The following FHOD1 variants were observed in gnomAD, a reference collection of about 807,000 sequenced individuals.
FHOD1 encodes the protein FH1/FH2 domain-containing protein 1.
In FHOD1, 89 loss-of-function variants were observed where a neutral mutation model predicts 111.6. That is an observed-to-expected ratio of 0.80 (90% CI 0.67 to 0.95). The LOEUF (loss-of-function observed/expected upper bound fraction) is 0.95, where lower values mean the gene tolerates loss of function less well. Ranked by LOEUF, FHOD1 falls within the 40% of genes least tolerant of loss-of-function variation. The pLI is 0.00. For synonymous variants in FHOD1, 618 were observed against 639.0 expected, an observed-to-expected ratio of 0.97 and a Z score of 0.50; for missense variants, 1,446 against 1,554.2, an observed-to-expected ratio of 0.93 and a Z score of 1.17.
Position 67,238,552 on chromosome 16 carries a change from T to C in FHOD1, c.374-105A>G, listed in dbSNP as rs1051014018. 2.2e-5 allele frequency: 25 copies of C among 1,160,396 alleles called. No individual in the cohort carries two copies. The highest frequency in any genetic ancestry group is 3.0e-5 in the Non-Finnish European group (24 of 793,190). 71.9% of individuals were successfully genotyped at this position (1,160,396 alleles called of 1,614,324 possible). A position where few individuals can be genotyped will look rare whatever the true frequency, so the allele number is the denominator to read the frequency against. The stretch of plus-strand genomic sequence containing the variant: ...ACCAAAGAATAGTCTAATATATATG[T>C]TTTGGTCTGAGAGACAGGGTCTCAC... On this transcript the variant is annotated intron_variant, in intron 3 of 21. Coordinates refer to ENST00000258201, the MANE Select transcript of FHOD1 (RefSeq NM_013241.3). The surrounding 1 kb of genome is among the most constrained non-coding windows in gnomAD (Gnocchi z 4.2).
At position 67,237,802 on chromosome 16, in the gene FHOD1, T is replaced by C. The variant is rs1232400845; in HGVS notation, c.643-34A>G. Reference sequence around the variant, plus strand: ...AGAGGTCAGTACATATGAGTGGGGCTTAGGCCAGACCTGTGCCAGCTGTTG... The same window carrying C: ...AGAGGTCAGTACATATGAGTGGGGCCTAGGCCAGACCTGTGCCAGCTGTTG... On this transcript the variant is annotated intron_variant, in intron 6 of 21. Transcript: ENST00000258201. The surrounding 1 kb of genome is among the most constrained non-coding windows in gnomAD (Gnocchi z 5.6). 3 of 1,580,970 alleles carry C rather than the reference T, an allele frequency of 1.9e-6. No homozygotes were observed. Among genetic ancestry groups the C allele is most frequent in the Admixed American group, 1.7e-5 (1 of 59,972 alleles).
In FHOD1 at chr16:67,229,991, C is replaced by T. The variant is rs765351934; in HGVS notation, c.3215-1G>A. ...ATTGGGGAGCTGCTCTGGACCATGC[C>T]TGAGGAAGGCCAGATAGCAAAGTCA... is the stretch of plus-strand genomic sequence containing the variant. On this transcript the variant is annotated splice_acceptor_variant, in intron 20 of 21. Coordinates refer to ENST00000258201, the MANE Select transcript of FHOD1 (RefSeq NM_013241.3). LOFTEE classifies it high-confidence loss of function. 13 of 1,613,588 alleles carry T rather than the reference C, an allele frequency of 8.1e-6. No homozygotes were observed. Among genetic ancestry groups the T allele is most frequent in the Admixed American group, 1.7e-5 (1 of 59,990 alleles).
intron 1 of FHOD1, among the ~76,000 whole-genome samples, chr16:67,241,048 C>T (rs2034648543): frequency 6.6e-6 from 1 of 151,906 alleles, no homozygotes; most frequent in South Asian, 2.1e-4. Flanking sequence ...TTTAGCAACC[C>T]TTGCGCCTGC....
At chr16:67,241,121 C>T (rs1020208348) in intron 1 of FHOD1, among the ~76,000 whole-genome samples, 1 of 125,672 alleles carries the variant, frequency 8.0e-6, no homozygotes, top group East Asian at 3.0e-4. Flanking sequence ...ATGACCCCCC[C>T]CCCCGCCCAC....
Position 67,229,561 on chromosome 16 carries a change from C to A in FHOD1, c.*75G>T. The A allele has an allele frequency of 7.3e-7, 1 of 1,365,446 alleles. No homozygotes were observed. The highest frequency in any genetic ancestry group is 1.0e-6 in the Non-Finnish European group (1 of 954,076). 84.6% of individuals were successfully genotyped at this position (1,365,446 alleles called of 1,614,324 possible). A position where few individuals can be genotyped will look rare whatever the true frequency, so the allele number is the denominator to read the frequency against. ...ACAGAGTTCTGGGGCCAGAATTCTGCTCTGGGCCCTCCTCACTCTGTCATC... is the reference window on the plus strand; with the variant it reads ...ACAGAGTTCTGGGGCCAGAATTCTGATCTGGGCCCTCCTCACTCTGTCATC... On this transcript the variant is annotated 3_prime_UTR_variant, in exon 22 of 22. Transcript: ENST00000258201.
In FHOD1 at chr16:67,237,362, G is replaced by A; in HGVS notation, c.870C>T (p.Asp290=). The A allele has an allele frequency of 6.2e-7, 1 of 1,613,980 alleles. No homozygotes were observed. The highest frequency in any genetic ancestry group is 8.5e-7 in the Non-Finnish European group (1 of 1,179,878). The stretch of plus-strand genomic sequence containing the variant: ...CCGTCACATCGTAGAAGGAGTCCTG[G>A]TCCGGGAGCGCCGCCAGCGTCTGGA... ...LINKTLAALP[D]QDSFYDVTDA... is the part of the protein sequence containing the mutation. Residue 290 remains aspartate (D), a synonymous_variant, in exon 9 of 22, where the codon GAC becomes GAT. Transcript: ENST00000258201. The surrounding 1 kb of genome is among the most constrained non-coding windows in gnomAD (Gnocchi z 5.6).
chr16:67,242,886 A>G lies in FHOD1; in HGVS notation c.202-3432T>C, dbSNP rs58533932. On this transcript the variant is annotated intron_variant, in intron 1 of 21. Transcript: ENST00000258201. The stretch of plus-strand genomic sequence containing the variant: ...CTTCTCTCTCTCTTTCTAGCTATCT[A>G]TCTACCTATGTATAATATATAGATA... 4.5e-3 allele frequency among the ~76,000 whole-genome samples: 692 copies of G among 152,122 alleles called. 5 individuals are homozygous for G. Among genetic ancestry groups the G allele is most frequent in the African/African-American group, 0.015 (639 of 41,514 alleles).
chr16:67,244,409 G>C (rs116188236), intron 1 of FHOD1, among the ~76,000 whole-genome samples: 45 of 152,172 alleles, frequency 3.0e-4, no homozygotes, highest in African/African-American at 1.0e-3. Context: ...GGGGAGGAAG[G>C]CACTCCTGAG....
At chr16:67,244,421 T>C (rs1379350340) in intron 1 of FHOD1, among the ~76,000 whole-genome samples, 1 of 151,748 alleles carries the variant, frequency 6.6e-6, no homozygotes, top group African/African-American at 2.4e-5. Flanking sequence ...ACTCCTGAGT[T>C]CCCCCAGGGA....
intron 2 of FHOD1, 37 bp downstream of exon 2, chr16:67,239,311 G>T: frequency 6.6e-7 from 1 of 1,516,054 alleles, no homozygotes; most frequent in Non-Finnish European, 9.2e-7. Context: ...GGCAAGGGTG[G>T]GGGTAACCTT....
Position 67,231,598 on chromosome 16 carries a change from C to T in FHOD1, c.2385+39G>A. Reference sequence around the variant, plus strand: ...TCAGACTACATGGTCATGATGCTTACCTGTCCCTACTGACTGTCCCACTCC... The same window carrying T: ...TCAGACTACATGGTCATGATGCTTATCTGTCCCTACTGACTGTCCCACTCC... On this transcript the variant is annotated intron_variant, in intron 15 of 21. Coordinates refer to ENST00000258201, the MANE Select transcript of FHOD1 (RefSeq NM_013241.3). This position sits in a 1 kb window ranked among gnomAD's most constrained non-coding sequence, Gnocchi z 4.3. 6.2e-7 allele frequency: 1 copy of T among 1,614,144 alleles called. No individual in the cohort carries two copies. Among genetic ancestry groups the T allele is most frequent in the South Asian group, 1.1e-5 (1 of 91,086 alleles).
intron 2 of FHOD1, 64 bp downstream of exon 2, chr16:67,239,284 C>T: frequency 7.9e-7 from 1 of 1,271,294 alleles, no homozygotes; most frequent in Non-Finnish European, 1.2e-6. Context: ...CAGCTGCTGA[C>T]ATTTGAGCTA....
rs749656540 is a variant in FHOD1 at position 67,234,408 on chromosome 16, G to A, written c.1384C>T (p.Arg462Trp). 3.1e-6 allele frequency: 5 copies of A among 1,609,594 alleles called. No individual in the cohort carries two copies. The highest frequency in any genetic ancestry group is 2.2e-5 in the South Asian group (2 of 90,882). The change falls in exon 12 of 22, where the codon CGG becomes TGG. Residue 462 changes from arginine to tryptophan, a missense_variant. Arg to Trp is a moderately radical substitution (Grantham distance 101). Transcript: ENST00000258201. The stretch of plus-strand genomic sequence containing the variant: ...ATGGCCCCGGCAAGTGTCTCTGCCC[G>A]GCCCTGGGCCAGCGCAACCTGCTTC... ...TEKQVALAQG[R>W]AETLAGAMPN...
chr16:67,244,725 AGAG>A (rs1201424845), intron 1 of FHOD1, among the ~76,000 whole-genome samples: 2 of 152,182 alleles, frequency 1.3e-5, no homozygotes, highest in South Asian at 4.1e-4. Flanking sequence ...GCCAGTACCC[AGAG>A]GAGGACAGAG....
intron 11 of FHOD1, chr16:67,235,990 C>T: frequency 1.0e-6 from 1 of 979,698 alleles, no homozygotes; most frequent in Non-Finnish European, 1.2e-6. Context: ...ACATGGCAGG[C>T]CTGGCAGGCC....
Position 67,230,180 on chromosome 16 carries a change from C to A in FHOD1, c.3100G>T (p.Val1034Phe), listed in dbSNP as rs146514223. ...VAGEAPSNPS[V>F]PVAVSSGPGR... ...GGCCCGCTGCTCACTGCTACTGGGA[C>A]AGAGGGGTTGCTGGGGGCTTCCCCA... The change falls in exon 20 of 22, where the codon GTC becomes TTC. Residue 1034 changes from valine to phenylalanine, a missense_variant. This residue lies in a region of FHOD1 where 1,085 missense variants were observed against 1,108.8 expected (regional missense o/e 0.98). Transcript: ENST00000258201. 6,074 of 1,614,064 alleles carry A rather than the reference C, an allele frequency of 3.8e-3. 248 individuals carry two copies. The South Asian group carries it at 0.062, about 16-fold the overall frequency.
rs2034557670 is a variant in FHOD1, at chr16:67,238,132, G to A, written c.548-4C>T. On this transcript the variant is annotated splice_region_variant and splice_polypyrimidine_tract_variant and intron_variant, in intron 5 of 21. Transcript: ENST00000258201. The surrounding 1 kb of genome is among the most constrained non-coding windows in gnomAD (Gnocchi z 4.2). ...AAGAGCATCAGCTGGCCGAGCGCTGGGGAAACAGGGATGGGCAGAGTCAGC... is the reference window on the plus strand; with the variant it reads ...AAGAGCATCAGCTGGCCGAGCGCTGAGGAAACAGGGATGGGCAGAGTCAGC... 2 of 1,614,094 alleles carry A rather than the reference G, an allele frequency of 1.2e-6. No homozygotes were observed. Among genetic ancestry groups the A allele is most frequent in the Non-Finnish European group, 1.7e-6 (2 of 1,179,938 alleles).
rs762727955 is a variant in FHOD1, at chr16:67,237,628, G to C, written c.754+29C>G. On this transcript the variant is annotated intron_variant, in intron 7 of 21. Coordinates refer to ENST00000258201, the MANE Select transcript of FHOD1 (RefSeq NM_013241.3). This position sits in a 1 kb window ranked among gnomAD's most constrained non-coding sequence, Gnocchi z 5.6. ...ACAGGTAGGAGAGAGGGCTCTGAGC[G>C]GTGGGGGGAGAAAGGGACAGTCTCT... 6.2e-7 allele frequency: 1 copy of C among 1,612,886 alleles called. No homozygotes were observed. The highest frequency in any genetic ancestry group is 2.2e-5 in the East Asian group (1 of 44,870).
chr16:67,230,671 T>C lies in FHOD1; in HGVS notation c.2788A>G (p.Thr930Ala). 6.2e-7 allele frequency: 1 copy of C among 1,614,000 alleles called. No homozygotes were observed. Among genetic ancestry groups the C allele is most frequent in the Non-Finnish European group, 8.5e-7 (1 of 1,179,962 alleles). The change falls in exon 18 of 22, where the codon ACC (threonine) becomes GCC (alanine). Residue 930 changes from threonine to alanine, a missense_variant. By Grantham distance (58) the Thr-to-Ala change is moderately conservative. Coordinates refer to ENST00000258201, the MANE Select transcript of FHOD1 (RefSeq NM_013241.3). ...ELAPALRARL[T>A]HFLDQCARRV... Reference sequence around the variant, plus strand: ...CGGGCACACTGGTCCAGGAAGTGGGTGAGGCGGGCACGCAGGGCTGGGGCC... The same window carrying C: ...CGGGCACACTGGTCCAGGAAGTGGGCGAGGCGGGCACGCAGGGCTGGGGCC...
Sources: allele counts gnomAD v4.1 joint callset (sites outside exome capture counted in the v4.1 genomes callset), GRCh38; gene constraint gnomAD v4.1.1; regional missense constraint gnomAD v4.1.1; non-coding constraint Gnocchi (gnomAD v3.1); transcripts MANE v1.5; gene names NCBI Gene and HGNC (gene_info 2026-07-23, HGNC 2026-07-21).